The following CDC42EP3 variants were observed in gnomAD, a reference collection of about 807,000 sequenced individuals.
The protein encoded by CDC42EP3 is CDC42 effector protein (Rho GTPase binding) 3.
CDC42EP3 carries 4 observed loss-of-function variants against 15.5 expected under a neutral mutation model. That is an observed-to-expected ratio of 0.26 (90% CI 0.13 to 0.59). The LOEUF (loss-of-function observed/expected upper bound fraction) is 0.59. Among genes scored for constraint, CDC42EP3 ranks in the 20% least tolerant of loss-of-function variants. The pLI is 0.89. For missense variants in CDC42EP3, 309 were observed against 311.2 expected (o/e 0.99, Z 0.05); for synonymous variants, 145 against 130.3 (o/e 1.11, Z -0.77).
At chr2:37,648,508 C>T (rs982587356) in intron 1 of CDC42EP3, among the ~76,000 whole-genome samples, 9 of 152,212 alleles carry the variant, frequency 5.9e-5, no homozygotes, top group Non-Finnish European at 1.0e-4. Context: ...GCTAGCTCAG[C>T]GTGTCAGCAT....
intron 1 of CDC42EP3, among the ~76,000 whole-genome samples, chr2:37,654,325 G>C (rs1362353997): frequency 6.6e-6 from 1 of 152,120 alleles, no homozygotes; most frequent in Non-Finnish European, 1.5e-5. Context: ...AGCTCGATTA[G>C]GACATGTGAG....
intron 1 of CDC42EP3, among the ~76,000 whole-genome samples, chr2:37,663,375 G>A (rs1239845855): frequency 1.3e-5 from 2 of 152,122 alleles, no homozygotes; most frequent in Non-Finnish European, 2.9e-5. Flanking sequence ...TAAATAAATG[G>A]CTCATGTTTA....
chr2:37,649,078 A>T (rs1214915554), intron 1 of CDC42EP3, among the ~76,000 whole-genome samples: 192 of 106,236 alleles, frequency 1.8e-3, no homozygotes, highest in African/African-American at 7.3e-3. Context: ...CAATTATTTA[A>T]AAAAAAAAAA....
chr2:37,656,407 C>T (rs1033327353), intron 1 of CDC42EP3, among the ~76,000 whole-genome samples: 1 of 152,250 alleles, frequency 6.6e-6, no homozygotes, highest in Non-Finnish European at 1.5e-5. Flanking sequence ...ATAACCCCTG[C>T]TAGACTTTCC....
At chr2:37,648,818 G>A (rs1439817088) in intron 1 of CDC42EP3, among the ~76,000 whole-genome samples, 2 of 151,994 alleles carry the variant, frequency 1.3e-5, no homozygotes, top group Non-Finnish European at 2.9e-5. Context: ...TCCTGGCCTC[G>A]GGCCCCCTGC....
chr2:37,647,529 T>C (rs1167422176), intron 1 of CDC42EP3: 2 of 152,242 alleles, frequency 1.3e-5, no homozygotes, highest in African/African-American at 4.8e-5. Flanking sequence ...ACTGCTTCAC[T>C]TCAAAGAGAA....
At chr2:37,667,377 G>A (rs1178552666) in intron 1 of CDC42EP3, among the ~76,000 whole-genome samples, 1 of 152,130 alleles carries the variant, frequency 6.6e-6, no homozygotes, top group Non-Finnish European at 1.5e-5. Flanking sequence ...CCTTCAAGGA[G>A]GGGATTGTCC....
At position 37,646,660 on chromosome 2, in the gene CDC42EP3, G is replaced by T; in HGVS notation, c.-73C>A. On this transcript the variant is annotated 5_prime_UTR_variant, in exon 2 of 2. Transcript: ENST00000295324. ...TTCTTCACAGATGGTATATGTTTCT[G>T]AATCCTTTTTGATAGGAACTGTCAC... 2 of 1,384,642 alleles carry T rather than the reference G, an allele frequency of 1.4e-6. No individual in the cohort carries two copies. Among genetic ancestry groups the T allele is most frequent in the Non-Finnish European group, 2.0e-6 (2 of 1,021,418 alleles). 85.8% of individuals were successfully genotyped at this position (1,384,642 alleles called of 1,614,324 possible). A position where few individuals can be genotyped will look rare whatever the true frequency, so the allele number is the denominator to read the frequency against.
chr2:37,645,926 T>A lies in CDC42EP3; in HGVS notation c.662A>T (p.Glu221Val), dbSNP rs200264774. The change falls in exon 2 of 2, where the codon GAG becomes GTG. Residue 221 changes from glutamate (E) to valine (V), a missense_variant. Transcript: ENST00000295324. ...ACCTGTAAGGTCAGAGAGGGACTCC[T>A]CTGACTTAGTCTTTCCCTTGATGAG... Reference protein sequence around the residue: ...CELIKGKTKSEESLSDLTGSL... With the variant: ...CELIKGKTKSVESLSDLTGSL... The A allele has an allele frequency of 2.3e-5, 37 of 1,613,740 alleles. 1 individual carries two copies. In the African/African-American group the frequency reaches 3.9e-4, roughly 17 times the overall value.
chr2:37,662,413 G>A (rs994926013), intron 1 of CDC42EP3, among the ~76,000 whole-genome samples: 2 of 152,224 alleles, frequency 1.3e-5, no homozygotes, highest in Admixed American at 6.5e-5. Flanking sequence ...AGATGAGCTG[G>A]AAGCTCATGG....
intron 1 of CDC42EP3, among the ~76,000 whole-genome samples, chr2:37,670,087 C>T (rs4670757): frequency 0.23 from 35,382 of 151,970 alleles, 4,404 homozygotes; most frequent in Middle Eastern, 0.33. Flanking sequence ...GATGAAAGAG[C>T]TTGTGTAAAT....
chr2:37,662,767 G>C lies in CDC42EP3; in HGVS notation c.-236+8659C>G, dbSNP rs950582666. On this transcript the variant is annotated intron_variant, in intron 1 of 1. Transcript: ENST00000295324. ...ACTCTTTAGGAAGACATTTCATTCT[G>C]AAGCCGTCTGAGAGCAAGAAAACAG... Among the ~76,000 whole-genome samples the C allele has an allele frequency of 6.6e-5, 10 of 152,310 alleles. No individual in the cohort carries two copies. In the Middle Eastern group the frequency reaches 0.01, roughly 155 times the overall value.
intron 1 of CDC42EP3, among the ~76,000 whole-genome samples, chr2:37,656,991 C>A (rs1665876620): frequency 2.6e-5 from 2 of 77,726 alleles, no homozygotes; most frequent in Non-Finnish European, 4.7e-5. Flanking sequence ...CCCCCCCCCA[C>A]CCCCCGCCCC....
At chr2:37,669,737 C>G (rs1666348082) in intron 1 of CDC42EP3, among the ~76,000 whole-genome samples, 2 of 152,206 alleles carry the variant, frequency 1.3e-5, no homozygotes, top group Non-Finnish European at 2.9e-5. Context: ...CTCTAAAGTT[C>G]TTATCTGTGA....
At chr2:37,655,100 C>T (rs1203301591) in intron 1 of CDC42EP3, among the ~76,000 whole-genome samples, 4 of 152,142 alleles carry the variant, frequency 2.6e-5, no homozygotes, top group Non-Finnish European at 5.9e-5. Flanking sequence ...TACCCTCTCC[C>T]CATATCATCT....
chr2:37,655,200 G>C (rs956507411), intron 1 of CDC42EP3, among the ~76,000 whole-genome samples: 5 of 152,192 alleles, frequency 3.3e-5, no homozygotes, highest in Non-Finnish European at 1.5e-5. Context: ...AATGAACTTA[G>C]CCAGAACGAG....
intron 1 of CDC42EP3, among the ~76,000 whole-genome samples, chr2:37,663,225 C>T (rs753871456): frequency 4.6e-5 from 7 of 152,238 alleles, no homozygotes; most frequent in Non-Finnish European, 8.8e-5. Flanking sequence ...CCATGTGCCT[C>T]CCCAGCCCCT....
chr2:37,650,812 A>C (rs899424686), intron 1 of CDC42EP3, among the ~76,000 whole-genome samples: 1 of 152,244 alleles, frequency 6.6e-6, no homozygotes, highest in Non-Finnish European at 1.5e-5. Flanking sequence ...CAGGCCCTGC[A>C]TACACTGACA....
chr2:37,652,915 A>C (rs1432094897), intron 1 of CDC42EP3, among the ~76,000 whole-genome samples: 1 of 152,048 alleles, frequency 6.6e-6, no homozygotes, highest in East Asian at 1.9e-4. Context: ...TATCTTACCT[A>C]AATCTTAAAA....
Sources: allele counts gnomAD v4.1 joint callset (sites outside exome capture counted in the v4.1 genomes callset), GRCh38; gene constraint gnomAD v4.1.1; transcripts MANE v1.5; gene names NCBI Gene and HGNC (gene_info 2026-07-23, HGNC 2026-07-21).